The following BAZ2B variants were observed in gnomAD, a reference collection of about 807,000 sequenced individuals.
BAZ2B encodes the protein bromodomain adjacent to zinc finger domain 2B.
In BAZ2B, 91 loss-of-function variants were observed where a neutral mutation model predicts 246.0. The ratio of observed to expected loss-of-function variants is 0.37; its 90% CI spans 0.31 to 0.44. The LOEUF (loss-of-function observed/expected upper bound fraction) is 0.44. BAZ2B is among the 20% of genes least tolerant of loss of function. The pLI is 1.00. For missense variants in BAZ2B, 2,332 were observed against 2,533.7 expected, an observed-to-expected ratio of 0.92 and a Z score of 1.71; for synonymous variants, 855 against 860.0, an observed-to-expected ratio of 0.99 and a Z score of 0.10.
chr2:159,597,135 C>T (rs978714733), intron 1 of BAZ2B, among the ~76,000 whole-genome samples: 1 of 151,984 alleles, frequency 6.6e-6, no homozygotes, highest in African/African-American at 2.4e-5. Flanking sequence ...ATTTGCATTT[C>T]CCTGATCAAT....
chr2:159,522,509 A>G (rs561907064), intron 2 of BAZ2B, among the ~76,000 whole-genome samples: 2 of 152,332 alleles, frequency 1.3e-5, no homozygotes, highest in South Asian at 4.1e-4. Context: ...TTCCTGTTAT[A>G]TTTTATACTA....
At chr2:159,674,317 G>A in the BAZ2B span, among the ~76,000 whole-genome samples, 3 of 130,870 alleles carry the variant, frequency 2.3e-5, no homozygotes, top group Non-Finnish European at 4.7e-5. Context: ...CCTGGGCAAC[G>A]AAGTGAGACT....
chr2:159,649,556 G>T, the BAZ2B span, among the ~76,000 whole-genome samples: 1 of 152,112 alleles, frequency 6.6e-6, no homozygotes, highest in South Asian at 2.1e-4. Flanking sequence ...GACCACAACT[G>T]GTACCAGTCC....
intron 20 of BAZ2B, chr2:159,392,244 C>T (rs1180859725): frequency 6.6e-6 from 1 of 152,242 alleles, no homozygotes; most frequent in Non-Finnish European, 1.5e-5. Flanking sequence ...TCTTTGTACC[C>T]CCACCCCCAG....
At chr2:159,664,097 A>G in the BAZ2B span, among the ~76,000 whole-genome samples, 2 of 45,274 alleles carry the variant, frequency 4.4e-5, no homozygotes, top group East Asian at 1.4e-3. Context: ...TCATTGTTCA[A>G]TTCCCACCTA....
rs1471747970 is a variant in BAZ2B at position 159,439,089 on chromosome 2, C to T, written c.820G>A (p.Glu274Lys). Reference protein sequence around the residue: ...DSDDLEEDEEEEDQSIEESED... With the variant: ...DSDDLEEDEEKEDQSIEESED... ...CTTTCTTCAATACTTTGATCTTCTT[C>T]TTCTTCATCTTCTTCTAGATCATCT... Residue 274 changes from glutamate (E) to lysine (K), a missense_variant, in exon 7 of 37, where the codon GAA (glutamate) becomes AAA (lysine). Glu to Lys is a moderately conservative substitution (Grantham distance 56). This residue lies in a region of BAZ2B where 161 missense variants were observed against 225.8 expected (regional missense o/e 0.71). Coordinates refer to ENST00000392783, the MANE Select transcript of BAZ2B (RefSeq NM_013450.4). 6.2e-7 allele frequency: 1 copy of T among 1,613,850 alleles called. No individual in the cohort carries two copies. The highest frequency in any genetic ancestry group is 2.2e-5 in the East Asian group (1 of 44,828).
chr2:159,648,664 T>C, the BAZ2B span, among the ~76,000 whole-genome samples: 1 of 152,258 alleles, frequency 6.6e-6, no homozygotes, highest in African/African-American at 2.4e-5. Flanking sequence ...CGTTCTCTTT[T>C]ATTGCTAAAT....
chr2:159,509,780 CAT>C lies in BAZ2B; in HGVS notation c.-2-31061_-2-31060del, dbSNP rs546408118. Among the ~76,000 whole-genome samples, 382 of 151,902 alleles carry C rather than the reference CAT, an allele frequency of 2.5e-3. 1 individual carries two copies. The highest frequency in any genetic ancestry group is 8.1e-3 in the African/African-American group (337 of 41,408). On this transcript the variant is annotated intron_variant, in intron 2 of 36. Transcript: ENST00000392783. ...ATATGTATTTGCATATATGTACAAA[CAT>C]ATGTATATATGTACATTTGTATATA...
intron 1 of BAZ2B, among the ~76,000 whole-genome samples, chr2:159,604,367 C>T (rs763818743): frequency 2.6e-5 from 4 of 152,028 alleles, no homozygotes; most frequent in East Asian, 1.9e-4. Flanking sequence ...CTCAGCCTCT[C>T]GAGTAGCTGG....
At chr2:159,689,919 G>A in the BAZ2B span, 1 of 377,892 alleles carries the variant, frequency 2.6e-6, no homozygotes, top group Admixed American at 4.0e-5. Context: ...CAGAACAGAT[G>A]AAGCAAGTAA....
At chr2:159,526,894 T>C (rs576132158) in intron 2 of BAZ2B, among the ~76,000 whole-genome samples, 1 of 151,932 alleles carries the variant, frequency 6.6e-6, no homozygotes, top group South Asian at 2.1e-4. Context: ...CTATCACCCA[T>C]GCTGGAGTGC....
chr2:159,591,668 A>T (rs1689418733), intron 1 of BAZ2B, among the ~76,000 whole-genome samples: 1 of 152,212 alleles, frequency 6.6e-6, no homozygotes, highest in Admixed American at 6.5e-5. Context: ...ACTTTTACTG[A>T]TAACTTTTCT....
chr2:159,481,189 C>T (rs981609902), intron 2 of BAZ2B, among the ~76,000 whole-genome samples: 2 of 151,898 alleles, frequency 1.3e-5, no homozygotes, highest in Admixed American at 6.6e-5. Context: ...AAATATTATT[C>T]TTTCAGTTTT....
chr2:159,335,280 C>A (rs905247001), intron 33 of BAZ2B, among the ~76,000 whole-genome samples: 2 of 152,094 alleles, frequency 1.3e-5, no homozygotes, highest in African/African-American at 4.8e-5. Context: ...GGTGCGGTGG[C>A]TCATGCTTGT....
At chr2:159,399,676 G>C (rs2064654145) in intron 17 of BAZ2B, among the ~76,000 whole-genome samples, 1 of 152,038 alleles carries the variant, frequency 6.6e-6, no homozygotes, top group Non-Finnish European at 1.5e-5. Flanking sequence ...AATTTGAAAT[G>C]GGTAAGAAAA....
At chr2:159,417,376 G>A (rs1403996271) in intron 13 of BAZ2B, among the ~76,000 whole-genome samples, 1 of 152,038 alleles carries the variant, frequency 6.6e-6, no homozygotes, top group East Asian at 1.9e-4. Context: ...TCGCCATGTT[G>A]GCCAGGCTGG....
intron 5 of BAZ2B, 44 bp downstream of exon 5, chr2:159,448,198 A>G: frequency 6.4e-7 from 1 of 1,570,264 alleles, no homozygotes; most frequent in Non-Finnish European, 8.6e-7. Flanking sequence ...AAATAATATT[A>G]GAATGGAAGA....
At chr2:159,340,221 G>C (rs968430628) in intron 31 of BAZ2B, among the ~76,000 whole-genome samples, 2 of 151,844 alleles carry the variant, frequency 1.3e-5, no homozygotes, top group African/African-American at 4.8e-5. Context: ...CCAAGGGGTG[G>C]GGGGAAAGAA....
chr2:159,403,273 T>G (rs1279048463), intron 16 of BAZ2B, among the ~76,000 whole-genome samples: 1 of 152,212 alleles, frequency 6.6e-6, no homozygotes, highest in African/African-American at 2.4e-5. Context: ...GATGGTATTC[T>G]GAGATTGGCC....
Sources: gnomAD v4.1 joint callset for allele counts (sites outside exome capture counted in the v4.1 genomes callset) on GRCh38, gnomAD v4.1.1 for gene constraint, gnomAD v4.1.1 regional missense constraint, MANE v1.5 for transcripts, NCBI Gene and HGNC (gene_info 2026-07-23, HGNC 2026-07-21) for gene names.